Variants in CARS1 observed in about 807,000 individuals in gnomAD.
CARS1 encodes cysteine--tRNA ligase, cytoplasmic.
A neutral mutation model predicts 106.2 loss-of-function variants in CARS1; 48 were observed. The observed-to-expected ratio is 0.45, with a 90% CI of 0.36 to 0.57. The LOEUF (loss-of-function observed/expected upper bound fraction) is 0.57, where lower values mean the gene tolerates loss of function less well. Among genes scored for constraint, CARS1 ranks in the 20% least tolerant of loss-of-function variants. The probability of loss-of-function intolerance (pLI) is 0.00; values close to 1 mark genes in which losing one functional copy is unlikely to be tolerated. For synonymous variants in CARS1, 409 were observed against 403.4 expected, an observed-to-expected ratio of 1.01 and a Z score of -0.17; for missense variants, 968 against 1,057.2, an observed-to-expected ratio of 0.92 and a Z score of 1.17.
At position 3,003,635 on chromosome 11, in the gene CARS1, G is replaced by A. The variant is rs990692718; in HGVS notation, c.2218-1035C>T. On this transcript the variant is annotated intron_variant, in intron 20 of 22. Coordinates refer to ENST00000380525, the MANE Select transcript of CARS1 (RefSeq NM_001014437.3). The surrounding 1 kb of genome is among the most constrained non-coding windows in gnomAD (Gnocchi z 4.8). ...GGATGGGGCTGGGGCCAACAGGATC[G>A]AGCTCTTTCGAGATAGATGGAGGGA... is the stretch of plus-strand genomic sequence containing the variant. Among the ~76,000 whole-genome samples, 2 of 152,140 alleles carry A rather than the reference G, an allele frequency of 1.3e-5. No homozygotes were observed. The highest frequency in any genetic ancestry group is 6.5e-5 in the Admixed American group (1 of 15,272).
rs906339738 is a variant in CARS1 at position 3,039,203 on chromosome 11, G to A, written c.642C>T (p.Ala214=). Residue 214 remains alanine, a synonymous_variant, in exon 6 of 23, where the codon GCC becomes GCT. Transcript: ENST00000380525. The surrounding 1 kb of genome is among the most constrained non-coding windows in gnomAD (Gnocchi z 5.6). The part of the protein sequence containing the change: ...EAAQLLEDVQ[A]ALKPFSVKLN... ...ACAGCAAGAGGCCCACCTTCAGGGC[G>A]GCCTGAACATCCTCCAAGAGCTGTG... The A allele has an allele frequency of 9.9e-6, 16 of 1,609,936 alleles. No homozygotes were observed. Among genetic ancestry groups the A allele is most frequent in the Admixed American group, 1.7e-5 (1 of 59,910 alleles).
chr11:3,001,259 A>G lies in CARS1; in HGVS notation c.2362-11T>C, dbSNP rs1247185375. On this transcript the variant is annotated splice_polypyrimidine_tract_variant and intron_variant, in intron 22 of 22. Coordinates refer to ENST00000380525, the MANE Select transcript of CARS1 (RefSeq NM_001014437.3). The stretch of plus-strand genomic sequence containing the variant: ...ATGTGTGGGCAGACCCTGAAAACCC[A>G]GAGCACAGCGGCTATTGGTCTCCTC... 3.1e-6 allele frequency: 5 copies of G among 1,612,748 alleles called. No individual in the cohort carries two copies. The South Asian group carries it at 5.5e-5, about 18-fold the overall frequency.
chr11:3,035,927 G>T (rs1010429352), intron 7 of CARS1, among the ~76,000 whole-genome samples: 1 of 152,344 alleles, frequency 6.6e-6, no homozygotes, highest in East Asian at 1.9e-4. Context: ...CTAAGAGGCC[G>T]GGAAACCCAG....
Position 3,021,611 on chromosome 11 carries a change from T to A in CARS1, c.1154-1279A>T, listed in dbSNP as rs961333157. Among the ~76,000 whole-genome samples the A allele has an allele frequency of 6.6e-6, 1 of 152,192 alleles. No individual in the cohort carries two copies. The highest frequency in any genetic ancestry group is 2.4e-5 in the African/African-American group (1 of 41,440). Reference sequence around the variant, plus strand: ...AAAATATGTACTAAATGTAGAATATTTGAAAGATAAAAAAAGAAAACTAGG... The same window carrying A: ...AAAATATGTACTAAATGTAGAATATATGAAAGATAAAAAAAGAAAACTAGG... On this transcript the variant is annotated intron_variant, in intron 10 of 22. Transcript: ENST00000380525. The surrounding 1 kb of genome is among the most constrained non-coding windows in gnomAD (Gnocchi z 5.3).
rs772199551 is a variant in CARS1 at position 3,019,260 on chromosome 11, G to A, written c.1274C>T (p.Pro425Leu). 8 of 1,433,330 alleles carry A rather than the reference G, an allele frequency of 5.6e-6. No homozygotes were observed. The highest frequency in any genetic ancestry group is 5.2e-5 in the East Asian group (2 of 38,528). 88.8% of individuals were successfully genotyped at this position (1,433,330 alleles called of 1,614,324 possible). ...GGCCGAGCACTCGATATGCCAGCCCGGACGACCCTGGAGAAAGCCGAACAC... is the reference window on the plus strand; with the variant it reads ...GGCCGAGCACTCGATATGCCAGCCCAGACGACCCTGGAGAAAGCCGAACAC... ...SWPCPWGKGRPGWHIECSAMA... is the reference protein window; with the variant it reads ...SWPCPWGKGRLGWHIECSAMA... Residue 425 changes from proline (P) to leucine (L), a missense_variant, in exon 12 of 23, where the codon CCG (proline) becomes CTG (leucine). Coordinates refer to ENST00000380525, the MANE Select transcript of CARS1 (RefSeq NM_001014437.3). This position sits in a 1 kb window ranked among gnomAD's most constrained non-coding sequence, Gnocchi z 6.2.
intron 18 of CARS1, chr11:3,007,342 C>CT (rs1388837998): frequency 4.2e-6 from 1 of 235,444 alleles, no homozygotes; most frequent in African/African-American, 2.2e-5. Context: ...CCTTCGGGTG[C>CT]TAACACTCTT....
In CARS1 at chr11:3,001,106, G is replaced by A. The variant is rs538313422; in HGVS notation, c.*8C>T. 1 of 1,613,872 alleles carries A rather than the reference G, an allele frequency of 6.2e-7. No homozygotes were observed. ...CACAATGGTTTAAAAAGTCAGTCCT[G>A]TGCCCCCTCACTGGAAGCTTCCATT... On this transcript the variant is annotated 3_prime_UTR_variant, in exon 23 of 23. Coordinates refer to ENST00000380525, the MANE Select transcript of CARS1 (RefSeq NM_001014437.3).
intron 1 of CARS1, among the ~76,000 whole-genome samples, chr11:3,054,047 C>A (rs1251272740): frequency 6.6e-6 from 1 of 152,164 alleles, no homozygotes; most frequent in African/African-American, 2.4e-5. Context: ...CCGGAAAAAG[C>A]CCCCAGACAT....
rs1249201623 is a variant in CARS1 at position 3,019,383 on chromosome 11, T to C, written c.1267-116A>G. On this transcript the variant is annotated intron_variant, in intron 11 of 22. Transcript: ENST00000380525. This position sits in a 1 kb window ranked among gnomAD's most constrained non-coding sequence, Gnocchi z 6.2. ...CCTCTGAACTTTATTGGAACAAGCG[T>C]TAAATCCCGCACATGAAAAGACTAA... 6.9e-6 allele frequency: 8 copies of C among 1,156,974 alleles called. No individual in the cohort carries two copies. Among genetic ancestry groups the C allele is most frequent in the East Asian group, 5.7e-5 (2 of 34,972 alleles). 71.7% of individuals were successfully genotyped at this position (1,156,974 alleles called of 1,614,324 possible). A position where few individuals can be genotyped will look rare whatever the true frequency, so the allele number is the denominator to read the frequency against.
At chr11:3,033,089 CAG>C (rs1054130137) in intron 7 of CARS1, among the ~76,000 whole-genome samples, 138 of 150,152 alleles carry the variant, frequency 9.2e-4, no homozygotes, top group African/African-American at 3.3e-3. Context: ...TAAGGAGAAA[CAG>C]ACAAATTCAT....
chr11:3,007,080 G>T (rs1849949581), intron 18 of CARS1, 121 bp from the exon 19 acceptor site: 2 of 821,744 alleles, frequency 2.4e-6, no homozygotes, highest in Non-Finnish European at 4.1e-6. Flanking sequence ...CTCCTCCAGT[G>T]CTCAGGAGGG....
chr11:3,018,366 G>C, intron 14 of CARS1, 42 bp downstream of exon 14: 1 of 1,356,738 alleles, frequency 7.4e-7, no homozygotes, highest in South Asian at 1.2e-5. Flanking sequence ...CTGTGCAGGG[G>C]AGGCTGCTCC....
Position 3,044,454 on chromosome 11 carries a change from T to G in CARS1, c.275-2198A>C, listed in dbSNP as rs1264125244. 1.3e-5 allele frequency among the ~76,000 whole-genome samples: 2 copies of G among 151,774 alleles called. No individual in the cohort carries two copies. The highest frequency in any genetic ancestry group is 2.4e-5 in the African/African-American group (1 of 41,256). On this transcript the variant is annotated intron_variant, in intron 2 of 22. Transcript: ENST00000380525. This position sits in a 1 kb window ranked among gnomAD's most constrained non-coding sequence, Gnocchi z 4.4. ...TAGATAAAATCTGGCTGAAGTGCAC[T>G]GGCGCAATCTCAACTCACTGCAACC...
rs369269175 is a variant in CARS1, at chr11:3,048,026, G to A, written c.26-25C>T. 212 of 1,603,876 alleles carry A rather than the reference G, an allele frequency of 1.3e-4. No individual in the cohort carries two copies. Among genetic ancestry groups the A allele is most frequent in the Non-Finnish European group, 1.8e-4 (206 of 1,172,458 alleles). ...GCTGCAAAGACAGAGGGCACATGGT[G>A]TCAGGCAGGCAGGCGGGCAGCCCAG... On this transcript the variant is annotated intron_variant, in intron 1 of 22. Coordinates refer to ENST00000380525, the MANE Select transcript of CARS1 (RefSeq NM_001014437.3). This position sits in a 1 kb window ranked among gnomAD's most constrained non-coding sequence, Gnocchi z 5.1.
chr11:3,017,894 C>G lies in CARS1; in HGVS notation c.1690G>C (p.Glu564Gln). ...TCTGCTTCTTCTTCTCCCCACTTCT[C>G]AAACTGACCAGTGATGTCAACAGGA... The part of the protein sequence containing the change: ...RAPVDITGQF[E>Q]KWGEEEAELN... The change falls in exon 15 of 23, where the codon GAG (glutamate) becomes CAG (glutamine). Residue 564 changes from glutamate to glutamine, a missense_variant. By Grantham distance (29) the Glu-to-Gln change is conservative. Transcript: ENST00000380525. This position sits in a 1 kb window ranked among gnomAD's most constrained non-coding sequence, Gnocchi z 4.9. 1 of 1,613,864 alleles carries G rather than the reference C, an allele frequency of 6.2e-7. No homozygotes were observed. Among genetic ancestry groups the G allele is most frequent in the South Asian group, 1.1e-5 (1 of 91,046 alleles).
At position 3,040,831 on chromosome 11, in the gene CARS1, T is replaced by A. The variant is rs1168903649; in HGVS notation, c.455+65A>T. 2.8e-5 allele frequency: 43 copies of A among 1,557,986 alleles called. No homozygotes were observed. In the Admixed American group the frequency reaches 7.2e-4, roughly 26 times the overall value. ...GTGGACCTAAGATCGCTGCTGTGGA[T>A]CCCAATGGCTCTGACTTCTGCGTGC... On this transcript the variant is annotated intron_variant, in intron 4 of 22. Coordinates refer to ENST00000380525, the MANE Select transcript of CARS1 (RefSeq NM_001014437.3). The surrounding 1 kb of genome is among the most constrained non-coding windows in gnomAD (Gnocchi z 5.8).
Position 3,019,392 on chromosome 11 carries a change from G to T in CARS1, c.1267-125C>A. On this transcript the variant is annotated intron_variant, in intron 11 of 22. Transcript: ENST00000380525. The surrounding 1 kb of genome is among the most constrained non-coding windows in gnomAD (Gnocchi z 6.2). ...TTTATTGGAACAAGCGTTAAATCCC[G>T]CACATGAAAAGACTAAGGGAAGGCT... 9.1e-7 allele frequency: 1 copy of T among 1,102,752 alleles called. No individual in the cohort carries two copies. The highest frequency in any genetic ancestry group is 1.2e-6 in the Non-Finnish European group (1 of 844,196). The allele number at this position is 1,102,752 out of a possible 1,614,324, so 68.3% of individuals were successfully genotyped here.
Position 3,046,940 on chromosome 11 carries a change from A to ACAT in CARS1, c.274+810_274+812dup, listed in dbSNP as rs1180440174. ...CCAACAGGCTGGAGCTACGGGACAGACATCATCTCAAAGAGAAAAAATGAC... is the reference window on the plus strand; with the variant it reads ...CCAACAGGCTGGAGCTACGGGACAGACATCATCATCTCAAAGAGAAAAAATGAC... On this transcript the variant is annotated intron_variant, in intron 2 of 22. Coordinates refer to ENST00000380525, the MANE Select transcript of CARS1 (RefSeq NM_001014437.3). The surrounding 1 kb of genome is among the most constrained non-coding windows in gnomAD (Gnocchi z 5.8). 6.6e-6 allele frequency among the ~76,000 whole-genome samples: 1 copy of ACAT among 152,208 alleles called. No individual in the cohort carries two copies. Among genetic ancestry groups the ACAT allele is most frequent in the African/African-American group, 2.4e-5 (1 of 41,456 alleles).
rs1026640694 is a variant in CARS1, at chr11:3,046,201, C to T, written c.274+1552G>A. ...AAAAAGTGTTTGCAAGAGCAAAACC[C>T]TTCCTTCCTCTCACAGTGTGGATGG... On this transcript the variant is annotated intron_variant, in intron 2 of 22. Coordinates refer to ENST00000380525, the MANE Select transcript of CARS1 (RefSeq NM_001014437.3). The surrounding 1 kb of genome is among the most constrained non-coding windows in gnomAD (Gnocchi z 5.8). Among the ~76,000 whole-genome samples, 3 of 152,190 alleles carry T rather than the reference C, an allele frequency of 2.0e-5. No homozygotes were observed. The South Asian group carries it at 6.2e-4, about 32-fold the overall frequency.
Sources: allele counts gnomAD v4.1 joint callset (sites outside exome capture counted in the v4.1 genomes callset), GRCh38; gene constraint gnomAD v4.1.1; non-coding constraint Gnocchi (gnomAD v3.1); transcripts MANE v1.5; gene names NCBI Gene and HGNC (gene_info 2026-07-23, HGNC 2026-07-21).